The following ZFP1 variants were observed in gnomAD, a reference collection of about 807,000 sequenced individuals.
The protein encoded by ZFP1 is ZFP1 zinc finger protein.
In ZFP1, 32 loss-of-function variants were observed where a neutral mutation model predicts 38.5. That is an observed-to-expected ratio of 0.83 (90% CI 0.63 to 1.12). ZFP1 has a LOEUF of 1.12. Among genes scored for constraint, ZFP1 ranks in the 50% most tolerant of loss-of-function variants. ZFP1 has a pLI of 0.00. For synonymous variants in ZFP1, 245 were observed against 168.8 expected, an observed-to-expected ratio of 1.45 and a Z score of -3.50; for missense variants, 616 against 480.8, an observed-to-expected ratio of 1.28 and a Z score of -2.63.
intron 2 of ZFP1, among the ~76,000 whole-genome samples, chr16:75,154,057 AAAAAAAAGTAC>A (rs1344066265): frequency 3.9e-5 from 6 of 152,140 alleles, no homozygotes; most frequent in Middle Eastern, 3.2e-3. Flanking sequence ...TCTCTAGTAA[AAAAAAAAGTAC>A]AAAAAATTAG....
chr16:75,161,774 ATT>A (rs200925992), intron 2 of ZFP1, among the ~76,000 whole-genome samples: 1 of 7,818 alleles, frequency 1.3e-4, no homozygotes, highest in African/African-American at 3.9e-4. Flanking sequence ...ATATATATAT[ATT>A]TTTTTTTTTT....
intron 3 of ZFP1, among the ~76,000 whole-genome samples, chr16:75,167,893 A>G (rs568852301): frequency 3.3e-5 from 5 of 152,250 alleles, no homozygotes; most frequent in African/African-American, 1.2e-4. Flanking sequence ...GGTCAGTTCA[A>G]TACCAGCACC....
chr16:75,162,205 C>T (rs1411297277), intron 2 of ZFP1, among the ~76,000 whole-genome samples: 1 of 152,076 alleles, frequency 6.6e-6, no homozygotes, highest in Admixed American at 6.6e-5. Flanking sequence ...TCACTGCAGC[C>T]TGGACCTCCT....
chr16:75,167,073 T>G (rs1359084467), intron 3 of ZFP1, among the ~76,000 whole-genome samples, 177 bp downstream of exon 3: 1 of 152,256 alleles, frequency 6.6e-6, no homozygotes, highest in Non-Finnish European at 1.5e-5. Context: ...TTAAGGCTTC[T>G]GAAGTCCAGG....
chr16:75,156,567 A>G (rs1187467015), intron 2 of ZFP1, among the ~76,000 whole-genome samples: 13 of 152,202 alleles, frequency 8.5e-5, no homozygotes, highest in Non-Finnish European at 1.3e-4. Flanking sequence ...CTTTCCTGAG[A>G]GTTTACAGAA....
the ZFP1 span, among the ~76,000 whole-genome samples, chr16:75,137,046 A>ATCTCCAGT: frequency 1.3e-5 from 2 of 152,130 alleles, no homozygotes; most frequent in African/African-American, 4.8e-5. Flanking sequence ...TCTAATGCCA[A>ATCTCCAGT]TCTCCAGTAA....
chr16:75,131,702 G>A, the ZFP1 span, among the ~76,000 whole-genome samples: 4 of 152,234 alleles, frequency 2.6e-5, 1 homozygote, highest in African/African-American at 7.2e-5. Flanking sequence ...AGCGGCTCAC[G>A]CCTGTAATCC....
At chr16:75,162,451 AT>A (rs1450721049) in intron 2 of ZFP1, among the ~76,000 whole-genome samples, 1 of 151,956 alleles carries the variant, frequency 6.6e-6, no homozygotes, top group Non-Finnish European at 1.5e-5. Flanking sequence ...TTATCCGCCT[AT>A]TTTGCTGTCT....
chr16:75,126,778 C>T, the ZFP1 span, among the ~76,000 whole-genome samples: 1 of 152,202 alleles, frequency 6.6e-6, no homozygotes, highest in East Asian at 1.9e-4. Context: ...TGATATTTGA[C>T]AAACTTTCCA....
intron 2 of ZFP1, among the ~76,000 whole-genome samples, chr16:75,164,284 T>C (rs925296069): frequency 4.0e-5 from 6 of 151,724 alleles, no homozygotes; most frequent in Admixed American, 1.3e-4. Flanking sequence ...TTTTGATTAC[T>C]GATTTTATCT....
rs779098712 is a variant in ZFP1 at position 75,169,928 on chromosome 16, G to A, written c.818G>A (p.Cys273Tyr). The A allele has an allele frequency of 1.2e-6, 2 of 1,614,212 alleles. No homozygotes were observed. Among genetic ancestry groups the A allele is most frequent in the East Asian group, 2.2e-5 (1 of 44,884 alleles). ...AAGAAGCCCTATGAGTGCAGTGAAT[G>A]TGGAAAGACATTTGCCCAAAAGTTT... ...MEKKPYECSECGKTFAQKFEL... is the reference protein window; with the variant it reads ...MEKKPYECSEYGKTFAQKFEL... The change falls in exon 4 of 4, where the codon TGT becomes TAT. Residue 273 changes from cysteine (C) to tyrosine (Y), a missense_variant. Physicochemically the swap from Cys to Tyr is radical, Grantham distance 194. Transcript: ENST00000570010.
intron 3 of ZFP1, 121 bp from the exon 4 acceptor site, chr16:75,169,132 G>T: frequency 1.6e-6 from 2 of 1,263,270 alleles, no homozygotes; most frequent in Non-Finnish European, 2.1e-6. Context: ...TTAATATTGG[G>T]AGACTGGGTC....
the ZFP1 span, among the ~76,000 whole-genome samples, chr16:75,130,727 G>T: frequency 2.8e-4 from 42 of 152,200 alleles, no homozygotes; most frequent in Middle Eastern, 3.4e-3. Flanking sequence ...GGGTGGAGGG[G>T]GAGCCTTCTC....
At chr16:75,135,435 A>G in the ZFP1 span, among the ~76,000 whole-genome samples, 1 of 152,186 alleles carries the variant, frequency 6.6e-6, no homozygotes, top group South Asian at 2.1e-4. Flanking sequence ...TCCACATGAC[A>G]TTCTGGAAAA....
chr16:75,125,343 C>T, the ZFP1 span, among the ~76,000 whole-genome samples: 13 of 151,982 alleles, frequency 8.6e-5, no homozygotes, highest in African/African-American at 2.2e-4. Flanking sequence ...TGTTTTGTGA[C>T]GGAGTTTGGC....
At chr16:75,158,326 TTCTG>T (rs1057346912) in intron 2 of ZFP1, among the ~76,000 whole-genome samples, 3 of 151,584 alleles carry the variant, frequency 2.0e-5, no homozygotes, top group African/African-American at 4.8e-5. Flanking sequence ...TCCAGCCTAT[TTCTG>T]TCTATTTTTT....
the ZFP1 span, among the ~76,000 whole-genome samples, chr16:75,131,671 A>T: frequency 2.0e-5 from 3 of 152,148 alleles, no homozygotes; most frequent in Non-Finnish European, 4.4e-5. Context: ...GTCTCAAAAA[A>T]TGTCTATCTT....
chr16:75,167,394 AC>A (rs1366708974), intron 3 of ZFP1, among the ~76,000 whole-genome samples: 2 of 117,158 alleles, frequency 1.7e-5, no homozygotes, highest in African/African-American at 4.6e-5. Context: ...CTCCCTGCTT[AC>A]CTTTTTTTTT....
Position 75,166,790 on chromosome 16 carries a change from T to C in ZFP1, c.36T>C (p.Asp12=). ...NKSQGSVSFT[D]VTVDFTQEEW... ...TTCAGGGATCAGTTTCATTCACGGA[T>C]GTGACTGTGGACTTTACCCAGGAGG... is the stretch of plus-strand genomic sequence containing the variant. The change falls in exon 3 of 4, where the codon GAT becomes GAC. Residue 12 remains aspartate (D), a synonymous_variant. Transcript: ENST00000570010. 1 of 1,614,182 alleles carries C rather than the reference T, an allele frequency of 6.2e-7. No individual in the cohort carries two copies. The highest frequency in any genetic ancestry group is 8.5e-7 in the Non-Finnish European group (1 of 1,180,016).
Sources: allele counts gnomAD v4.1 joint callset (sites outside exome capture counted in the v4.1 genomes callset), GRCh38; gene constraint gnomAD v4.1.1; transcripts MANE v1.5; gene names NCBI Gene and HGNC (gene_info 2026-07-23, HGNC 2026-07-21).